CDH13: variants seen among roughly 807,000 people sequenced by gnomAD.
CDH13 encodes the protein cadherin-13.
A neutral mutation model predicts 63.8 loss-of-function variants in CDH13; 24 were observed. The observed-to-expected ratio is 0.38, with a 90% CI of 0.27 to 0.53. The LOEUF is 0.53. Ranked by LOEUF, CDH13 falls within the 20% of genes least tolerant of loss-of-function variation. CDH13 has a pLI of 0.85. For missense variants in CDH13, 1,049 were observed against 903.1 expected (o/e 1.16, Z -2.07); for synonymous variants, 503 against 355.3 (o/e 1.42, Z -4.67).
At chr16:83,054,347 A>C (rs2030701883) in intron 3 of CDH13, among the ~76,000 whole-genome samples, 1 of 152,240 alleles carries the variant, frequency 6.6e-6, no homozygotes, top group African/African-American at 2.4e-5. Context: ...CAATTACAGT[A>C]ATATGCCAGC....
At chr16:82,662,863 T>A (rs1567601881) in intron 1 of CDH13, among the ~76,000 whole-genome samples, 1 of 149,836 alleles carries the variant, frequency 6.7e-6, no homozygotes, top group African/African-American at 2.4e-5. Context: ...GGTAGAGGTG[T>A]GTGCTTGCGT....
chr16:83,543,569 C>T (rs75425598), intron 7 of CDH13, among the ~76,000 whole-genome samples: 3 of 152,174 alleles, frequency 2.0e-5, no homozygotes, highest in Non-Finnish European at 4.4e-5. Flanking sequence ...CAACCTCTAG[C>T]TTGGTCTTTA....
At chr16:83,227,104 G>T (rs900850644) in intron 5 of CDH13, among the ~76,000 whole-genome samples, 2 of 152,182 alleles carry the variant, frequency 1.3e-5, no homozygotes, top group African/African-American at 4.8e-5. Flanking sequence ...CATGTTTTAC[G>T]AAAGACTGCA....
At chr16:82,865,979 T>C (rs2040122097) in intron 2 of CDH13, among the ~76,000 whole-genome samples, 1 of 152,196 alleles carries the variant, frequency 6.6e-6, no homozygotes, top group Non-Finnish European at 1.5e-5. Context: ...AGAAATTTCT[T>C]CTGCCAGATA....
rs569657796 is a variant in CDH13 at position 83,315,466 on chromosome 16, C to T, written c.637-29396C>T. 2.0e-5 allele frequency among the ~76,000 whole-genome samples: 3 copies of T among 152,178 alleles called. 1 individual carries two copies. In the South Asian group the frequency reaches 6.2e-4, roughly 32 times the overall value. On this transcript the variant is annotated intron_variant, in intron 5 of 13. Transcript: ENST00000567109. Reference sequence around the variant, plus strand: ...CCACTGTGTGTACAGTAATTATTTCCAGTGAAATCACTGCTTTCTTTCCGT... The same window carrying T: ...CCACTGTGTGTACAGTAATTATTTCTAGTGAAATCACTGCTTTCTTTCCGT...
At chr16:82,689,297 T>C (rs1337167653) in intron 1 of CDH13, among the ~76,000 whole-genome samples, 1 of 152,178 alleles carries the variant, frequency 6.6e-6, no homozygotes, top group Admixed American at 6.5e-5. Flanking sequence ...TCTCAGCAGG[T>C]ATGAATCACT....
At chr16:83,089,715 T>C (rs1274667298) in intron 3 of CDH13, among the ~76,000 whole-genome samples, 1 of 152,250 alleles carries the variant, frequency 6.6e-6, no homozygotes, top group Admixed American at 6.5e-5. Flanking sequence ...CATGGACTTC[T>C]ATCTCACGAC....
chr16:83,110,784 G>C (rs2035020273), intron 3 of CDH13, among the ~76,000 whole-genome samples: 1 of 151,912 alleles, frequency 6.6e-6, no homozygotes. Context: ...AAAAACCAAG[G>C]TGTGACAGTT....
At chr16:83,381,811 A>G (rs762599585) in intron 6 of CDH13, among the ~76,000 whole-genome samples, 2 of 152,064 alleles carry the variant, frequency 1.3e-5, no homozygotes, top group Non-Finnish European at 2.9e-5. Flanking sequence ...TTGCCACCCT[A>G]TATTTGGCTT....
chr16:83,424,520 T>C (rs1374559582), intron 6 of CDH13, among the ~76,000 whole-genome samples: 1 of 152,176 alleles, frequency 6.6e-6, no homozygotes, highest in Non-Finnish European at 1.5e-5. Context: ...TTTAAGCTGC[T>C]GTGGTAAGAG....
At chr16:83,370,201 C>T (rs2151397143) in intron 6 of CDH13, among the ~76,000 whole-genome samples, 1 of 152,250 alleles carries the variant, frequency 6.6e-6, no homozygotes, top group African/African-American at 2.4e-5. Context: ...TCCTGGCTAA[C>T]ATGGTGAAAC....
intron 2 of CDH13, among the ~76,000 whole-genome samples, chr16:82,966,004 A>G (rs2151355114): frequency 6.6e-6 from 1 of 152,310 alleles, no homozygotes; most frequent in Admixed American, 6.5e-5. Flanking sequence ...TCAGTCAACG[A>G]GTTGACCAAG....
intron 6 of CDH13, among the ~76,000 whole-genome samples, chr16:83,480,658 A>C (rs2073738587): frequency 6.6e-6 from 1 of 152,142 alleles, no homozygotes; most frequent in African/African-American, 2.4e-5. Flanking sequence ...ACCTGAAAGC[A>C]AAACTTGGCC....
chr16:82,871,608 T>G (rs2040342893), intron 2 of CDH13, among the ~76,000 whole-genome samples: 2 of 152,164 alleles, frequency 1.3e-5, no homozygotes, highest in African/African-American at 4.8e-5. Context: ...CTCATTTGTA[T>G]AATGAGAGCT....
chr16:83,274,616 C>G (rs548006865), intron 5 of CDH13, among the ~76,000 whole-genome samples: 3 of 152,106 alleles, frequency 2.0e-5, no homozygotes, highest in African/African-American at 7.2e-5. Flanking sequence ...AGCACAGAGC[C>G]TGATGTGTGA....
chr16:82,899,192 C>T (rs1427623058), intron 2 of CDH13, among the ~76,000 whole-genome samples: 1 of 152,160 alleles, frequency 6.6e-6, no homozygotes, highest in Non-Finnish European at 1.5e-5. Flanking sequence ...GGGAGGAAGA[C>T]CAAGTGTCTG....
intron 6 of CDH13, among the ~76,000 whole-genome samples, chr16:83,379,706 A>C (rs769252163): frequency 3.9e-5 from 6 of 152,134 alleles, no homozygotes; most frequent in Non-Finnish European, 5.9e-5. Context: ...AAGGAGACAC[A>C]CAGTTGTTCA....
chr16:82,950,619 C>T (rs1045432474), intron 2 of CDH13, among the ~76,000 whole-genome samples: 19 of 152,028 alleles, frequency 1.2e-4, no homozygotes, highest in African/African-American at 4.3e-4. Flanking sequence ...TCTCCAGCCA[C>T]GTGTAACTGT....
intron 1 of CDH13, among the ~76,000 whole-genome samples, chr16:82,832,130 A>T (rs796762068): frequency 1.4e-4 from 22 of 152,338 alleles, no homozygotes; most frequent in African/African-American, 5.3e-4. Context: ...ATGTATGAAG[A>T]TGTTACTGTT....
Sources: gnomAD v4.1 joint callset for allele counts (sites outside exome capture counted in the v4.1 genomes callset) on GRCh38, gnomAD v4.1.1 for gene constraint, MANE v1.5 for transcripts, NCBI Gene and HGNC (gene_info 2026-07-23, HGNC 2026-07-21) for gene names.